CD300LG: variants seen among roughly 807,000 people sequenced by gnomAD.
CD300LG encodes CD300 molecule like family member g.
In CD300LG, 29 loss-of-function variants were observed where a neutral mutation model predicts 31.5. The ratio of observed to expected loss-of-function variants is 0.92; its 90% CI spans 0.68 to 1.25. The LOEUF is 1.25. Ranked by LOEUF, CD300LG falls within the 50% of genes most tolerant of loss-of-function variation. The probability of loss-of-function intolerance (pLI) is 0.00; values close to 1 mark genes in which losing one functional copy is unlikely to be tolerated. For missense variants in CD300LG, 396 were observed against 417.6 expected (o/e 0.95, Z 0.45); for synonymous variants, 175 against 177.2 (o/e 0.99, Z 0.10).
intron 6 of CD300LG, 133 bp downstream of exon 6, chr17:43,857,289 C>A: frequency 6.9e-7 from 1 of 1,442,282 alleles, no homozygotes; most frequent in South Asian, 1.2e-5. Flanking sequence ...TGCTCCCCAC[C>A]TTGGAGGAAT....
Position 43,861,941 on chromosome 17 carries a change from G to A in CD300LG, c.*30G>A, listed in dbSNP as rs1459125972. 6.6e-7 allele frequency: 1 copy of A among 1,515,138 alleles called. No homozygotes were observed. Among genetic ancestry groups the A allele is most frequent in the Non-Finnish European group, 9.0e-7 (1 of 1,112,400 alleles). 93.9% of individuals were successfully genotyped at this position (1,515,138 alleles called of 1,614,324 possible). A position where few individuals can be genotyped will look rare whatever the true frequency, so the allele number is the denominator to read the frequency against. On this transcript the variant is annotated 3_prime_UTR_variant, in exon 7 of 7. Coordinates refer to ENST00000317310, the MANE Select transcript of CD300LG (RefSeq NM_145273.4). ...GGAGGCCCTCCTGGCCAGGCCAGCA[G>A]TGAAGCAGTATGGCTGGCTGGATCA...
intron 2 of CD300LG, among the ~76,000 whole-genome samples, chr17:43,850,879 G>A (rs986837296): frequency 2.0e-5 from 3 of 152,120 alleles, no homozygotes; most frequent in Non-Finnish European, 4.4e-5. Context: ...GCTCACGCCT[G>A]TAATCCCAGC....
At chr17:43,850,570 A>G (rs1305110219) in intron 2 of CD300LG, among the ~76,000 whole-genome samples, 1 of 152,112 alleles carries the variant, frequency 6.6e-6, no homozygotes, top group African/African-American at 2.4e-5. Flanking sequence ...TCCCAGGCTC[A>G]AGTAATCCTC....
In CD300LG at chr17:43,848,773, G is replaced by C. The variant is rs201803597; in HGVS notation, c.259G>C (p.Glu87Gln). ...GGTGTCCATCCGTGACAGCCGCCAGGAGCTCTCGCTCATTGTGACCCTGTG... is the reference window on the plus strand; with the variant it reads ...GGTGTCCATCCGTGACAGCCGCCAGCAGCTCTCGCTCATTGTGACCCTGTG... ...GRVSIRDSRQ[E>Q]LSLIVTLWNL... Residue 87 changes from glutamate (E) to glutamine (Q), a missense_variant, in exon 2 of 7, where the codon GAG (glutamate) becomes CAG (glutamine). Glu to Gln is a conservative substitution (Grantham distance 29). Transcript: ENST00000317310. 3.1e-6 allele frequency: 5 copies of C among 1,614,044 alleles called. No individual in the cohort carries two copies. In the Admixed American group the frequency reaches 8.3e-5, roughly 27 times the overall value.
Position 43,852,938 on chromosome 17 carries a change from C to G in CD300LG, c.406C>G (p.Pro136Ala). 6.2e-7 allele frequency: 1 copy of G among 1,613,058 alleles called. No individual in the cohort carries two copies. Among genetic ancestry groups the G allele is most frequent in the Non-Finnish European group, 8.5e-7 (1 of 1,179,528 alleles). ...ACCCTGCTGTCCTCCCTCCCCTTCT[C>G]CCACCTTCCAGCCTCTGGCTACAAC... The part of the protein sequence containing the change: ...PGPCCPPSPS[P>A]TFQPLATTRL... The change falls in exon 3 of 7, where the codon CCC (proline) becomes GCC (alanine). Residue 136 changes from proline to alanine, a missense_variant. By Grantham distance (27) the Pro-to-Ala change is conservative. Coordinates refer to ENST00000317310, the MANE Select transcript of CD300LG (RefSeq NM_145273.4).
intron 6 of CD300LG, chr17:43,858,799 T>C: frequency 1.3e-6 from 1 of 797,666 alleles, no homozygotes; most frequent in Non-Finnish European, 1.5e-6. Context: ...ACTTATACTT[T>C]GAGAGGCCTC....
chr17:43,851,430 A>C (rs2046350758), intron 2 of CD300LG, among the ~76,000 whole-genome samples: 1 of 152,116 alleles, frequency 6.6e-6, no homozygotes, highest in Non-Finnish European at 1.5e-5. Context: ...CTGAAATCTG[A>C]AACACTTCTG....
intron 6 of CD300LG, chr17:43,857,488 C>T (rs1034449545): frequency 3.9e-6 from 6 of 1,528,808 alleles, no homozygotes; most frequent in Middle Eastern, 1.7e-4. Flanking sequence ...AGAGCTGGAT[C>T]CAGATGAAGC....
intron 3 of CD300LG, among the ~76,000 whole-genome samples, chr17:43,853,526 G>A (rs367889651): frequency 5.5e-4 from 84 of 152,260 alleles, no homozygotes; most frequent in African/African-American, 1.9e-3. Context: ...TCATGGAAGC[G>A]GGGAAGGGGA....
chr17:43,850,411 T>A (rs942856050), intron 2 of CD300LG, among the ~76,000 whole-genome samples: 1 of 152,232 alleles, frequency 6.6e-6, no homozygotes, highest in Non-Finnish European at 1.5e-5. Flanking sequence ...AAAAGACAAA[T>A]GTAGCCACTA....
At chr17:43,850,277 C>G (rs778202595) in intron 2 of CD300LG, among the ~76,000 whole-genome samples, 9 of 152,096 alleles carry the variant, frequency 5.9e-5, no homozygotes, top group South Asian at 4.1e-4. Flanking sequence ...CAGCCATCGA[C>G]AGTTTAACAC....
At chr17:43,856,155 A>G (rs1186461603) in intron 5 of CD300LG, among the ~76,000 whole-genome samples, 1 of 152,176 alleles carries the variant, frequency 6.6e-6, no homozygotes, top group Non-Finnish European at 1.5e-5. Context: ...AATATATCCC[A>G]AACATTATCA....
At position 43,853,927 on chromosome 17, in the gene CD300LG, C is replaced by A; in HGVS notation, c.602C>A (p.Thr201Asn). The change falls in exon 4 of 7, where the codon ACC becomes AAC. Residue 201 changes from threonine to asparagine, a missense_variant. Coordinates refer to ENST00000317310, the MANE Select transcript of CD300LG (RefSeq NM_145273.4). Reference protein sequence around the residue: ...GHERTSQYTGTSPHPATSPPA... With the variant: ...GHERTSQYTGNSPHPATSPPA... ...GAAAGGACTTCTCAGTACACAGGAA[C>A]CTCTCCTCACCCAGCGACCTCTCCT... 1.2e-6 allele frequency: 2 copies of A among 1,614,144 alleles called. No individual in the cohort carries two copies. The highest frequency in any genetic ancestry group is 1.3e-5 in the African/African-American group (1 of 75,028).
Position 43,857,584 on chromosome 17 carries a change from G to A in CD300LG, c.885+428G>A, listed in dbSNP as rs1355514814. The A allele has an allele frequency of 3.3e-6, 4 of 1,221,202 alleles. No homozygotes were observed. The African/African-American group carries it at 4.5e-5, about 14-fold the overall frequency. 75.6% of individuals were successfully genotyped at this position (1,221,202 alleles called of 1,614,324 possible). A position where few individuals can be genotyped will look rare whatever the true frequency, so the allele number is the denominator to read the frequency against. On this transcript the variant is annotated intron_variant, in intron 6 of 6. Transcript: ENST00000317310. Reference sequence around the variant, plus strand: ...CAGGGGTCAGGGAGCTGTTAGAGATGCACTCTCCAGGGCCCCAGACCCAGC... The same window carrying A: ...CAGGGGTCAGGGAGCTGTTAGAGATACACTCTCCAGGGCCCCAGACCCAGC...
intron 6 of CD300LG, chr17:43,858,166 C>G: frequency 8.1e-7 from 1 of 1,229,330 alleles, no homozygotes; most frequent in Non-Finnish European, 1.0e-6. Flanking sequence ...GGCCTGGTCA[C>G]CCCAAGGAGG....
chr17:43,854,774 C>T (rs2046463803), intron 4 of CD300LG, among the ~76,000 whole-genome samples: 2 of 152,168 alleles, frequency 1.3e-5, no homozygotes, highest in Non-Finnish European at 1.5e-5. Context: ...AATTGATCCA[C>T]TCCTACCTAG....
chr17:43,861,340 G>C (rs2046649658), intron 6 of CD300LG: 1 of 956,436 alleles, frequency 1.0e-6, no homozygotes, highest in African/African-American at 1.8e-5. Context: ...GTGGAAGGAG[G>C]CCTTTTCCTC....
chr17:43,861,972 G>C lies in CD300LG; in HGVS notation c.*61G>C. The C allele has an allele frequency of 1.6e-6, 2 of 1,246,850 alleles. No homozygotes were observed. The highest frequency in any genetic ancestry group is 2.2e-6 in the Non-Finnish European group (2 of 908,846). 77.2% of individuals were successfully genotyped at this position (1,246,850 alleles called of 1,614,324 possible). A position where few individuals can be genotyped will look rare whatever the true frequency, so the allele number is the denominator to read the frequency against. On this transcript the variant is annotated 3_prime_UTR_variant, in exon 7 of 7. Transcript: ENST00000317310. ...CAGTATGGCTGGCTGGATCAGCACC[G>C]ATTCCCGAAAGCTTTCCACCTCAGC...
rs1037972626 is a variant in CD300LG at position 43,861,958 on chromosome 17, G to A, written c.*47G>A. ...GGCCAGCAGTGAAGCAGTATGGCTG[G>A]CTGGATCAGCACCGATTCCCGAAAG... On this transcript the variant is annotated 3_prime_UTR_variant, in exon 7 of 7. Transcript: ENST00000317310. 6.5e-6 allele frequency: 9 copies of A among 1,395,328 alleles called. No homozygotes were observed. The highest frequency in any genetic ancestry group is 1.3e-5 in the South Asian group (1 of 76,594). 86.4% of individuals were successfully genotyped at this position (1,395,328 alleles called of 1,614,324 possible).
Sources: allele counts gnomAD v4.1 joint callset (sites outside exome capture counted in the v4.1 genomes callset), GRCh38; gene constraint gnomAD v4.1.1; transcripts MANE v1.5; gene names NCBI Gene and HGNC (gene_info 2026-07-23, HGNC 2026-07-21).